The following GATAD2A variants were observed in gnomAD, a reference collection of about 807,000 sequenced individuals.
The protein encoded by GATAD2A is GATA zinc finger domain containing 2A.
Under a neutral mutation model 68.5 loss-of-function variants are expected in GATAD2A, and 12 were observed. The ratio of observed to expected loss-of-function variants is 0.18; its 90% CI spans 0.11 to 0.28. The LOEUF is 0.28. Ranked by LOEUF, GATAD2A falls within the 10% of genes least tolerant of loss-of-function variation. The probability of loss-of-function intolerance (pLI) is 1.00; values close to 1 mark genes in which losing one functional copy is unlikely to be tolerated. For synonymous variants in GATAD2A, 410 were observed against 375.3 expected, an observed-to-expected ratio of 1.09 and a Z score of -1.07; for missense variants, 755 against 868.5, an observed-to-expected ratio of 0.87 and a Z score of 1.64.
chr19:19,411,489 G>C (rs1044112527), intron 1 of GATAD2A, among the ~76,000 whole-genome samples: 7 of 152,214 alleles, frequency 4.6e-5, no homozygotes, highest in Admixed American at 4.6e-4. Flanking sequence ...GCTGGAAGTA[G>C]GTGGTTTGAT....
intron 2 of GATAD2A, among the ~76,000 whole-genome samples, chr19:19,487,952 G>A (rs914452835): frequency 1.3e-5 from 2 of 152,168 alleles, no homozygotes. Context: ...TGGTTCTGTG[G>A]CTGGAGAAGG....
Position 19,502,323 on chromosome 19 carries a change from C to T in GATAD2A, c.1579-8C>T. 6.2e-7 allele frequency: 1 copy of T among 1,600,132 alleles called. No individual in the cohort carries two copies. The highest frequency in any genetic ancestry group is 1.1e-5 in the South Asian group (1 of 90,332). On this transcript the variant is annotated splice_polypyrimidine_tract_variant and splice_region_variant and intron_variant, in intron 10 of 11. Transcript: ENST00000683918. ...GCATGAGCCGTCACCCCCCTTTCTC[C>T]ACTGCAGGCCTCCAGCCAGCTGTCC... is the stretch of plus-strand genomic sequence containing the variant.
rs761589627 is a variant in GATAD2A at position 19,498,741 on chromosome 19, G to A, written c.1204+19G>A. The A allele has an allele frequency of 5.0e-6, 8 of 1,588,574 alleles. No homozygotes were observed. Among genetic ancestry groups the A allele is most frequent in the Non-Finnish European group, 6.0e-6 (7 of 1,163,042 alleles). ...ACACAAGGTGAGTGGCCTGGACCCA[G>A]CCGGGCTGCTTCCGCCTCTGGCCTC... On this transcript the variant is annotated intron_variant, in intron 8 of 11. Coordinates refer to ENST00000683918, the MANE Select transcript of GATAD2A (RefSeq NM_001384528.1).
chr19:19,482,948 C>G (rs911724647), intron 2 of GATAD2A, among the ~76,000 whole-genome samples: 1 of 152,128 alleles, frequency 6.6e-6, no homozygotes, highest in African/African-American at 2.4e-5. Flanking sequence ...CTTGTCTCTA[C>G]TACCCTCAGC....
intron 2 of GATAD2A, chr19:19,472,277 G>A (rs543348531): frequency 2.0e-4 from 30 of 152,098 alleles, no homozygotes; most frequent in African/African-American, 5.5e-4. Context: ...TCTTTCAAAT[G>A]GTTGATCTTC....
At chr19:19,443,848 G>T (rs896877967) in intron 1 of GATAD2A, among the ~76,000 whole-genome samples, 1 of 151,982 alleles carries the variant, frequency 6.6e-6, no homozygotes, top group Non-Finnish European at 1.5e-5. Flanking sequence ...TAGTTTAGGA[G>T]ACCACTTGGG....
At chr19:19,504,398 T>C (rs2060745194) in intron 11 of GATAD2A, among the ~76,000 whole-genome samples, 2 of 152,362 alleles carry the variant, frequency 1.3e-5, no homozygotes, top group African/African-American at 4.8e-5. Context: ...ATTTAAGGGT[T>C]TTCCCCAGTG....
intron 1 of GATAD2A, among the ~76,000 whole-genome samples, chr19:19,441,370 C>T (rs2055053323): frequency 6.6e-6 from 1 of 151,918 alleles, no homozygotes. Context: ...GCAATAAAAA[C>T]CCAAAGCACT....
intron 2 of GATAD2A, among the ~76,000 whole-genome samples, chr19:19,475,499 GCCCCAGCCCCT>G (rs1445602638): frequency 2.8e-5 from 4 of 142,470 alleles, no homozygotes; most frequent in Non-Finnish European, 6.3e-5. Flanking sequence ...CCCCTCCACT[GCCCCAGCCCCT>G]CCCCAGCACC....
At chr19:19,499,533 G>A (rs73922895) in intron 8 of GATAD2A, among the ~76,000 whole-genome samples, 5,348 of 151,958 alleles carry the variant, frequency 0.035, 325 homozygotes, top group African/African-American at 0.12. Context: ...AGCACCTCCC[G>A]CGCACTGCCC....
chr19:19,430,821 G>T (rs932786802), intron 1 of GATAD2A, among the ~76,000 whole-genome samples: 5 of 152,156 alleles, frequency 3.3e-5, no homozygotes, highest in Admixed American at 6.5e-5. Flanking sequence ...GACCTCGCTA[G>T]CCTGAGCTTG....
At chr19:19,412,701 A>G (rs1483902892) in intron 1 of GATAD2A, among the ~76,000 whole-genome samples, 3 of 152,168 alleles carry the variant, frequency 2.0e-5, no homozygotes, top group Non-Finnish European at 4.4e-5. Flanking sequence ...CCCTAACTCT[A>G]CAAATAATAC....
intron 1 of GATAD2A, among the ~76,000 whole-genome samples, chr19:19,437,943 G>T (rs1183099728): frequency 6.6e-6 from 1 of 152,084 alleles, no homozygotes; most frequent in South Asian, 2.1e-4. Flanking sequence ...TATACTTAGG[G>T]GTGCAGTTAC....
At chr19:19,441,105 C>T (rs150573746) in intron 1 of GATAD2A, among the ~76,000 whole-genome samples, 230 of 149,320 alleles carry the variant, frequency 1.5e-3, no homozygotes, top group African/African-American at 5.2e-3. Context: ...TGCAGTGGTG[C>T]GATCTCGGCT....
chr19:19,404,334 C>G (rs1019413499), upstream of GATAD2A, among the ~76,000 whole-genome samples: 3 of 151,598 alleles, frequency 2.0e-5, no homozygotes, highest in Admixed American at 2.0e-4. Flanking sequence ...CGGTTGAGAC[C>G]CAATTATTCT....
At chr19:19,483,477 T>C (rs2059197560) in intron 2 of GATAD2A, among the ~76,000 whole-genome samples, 2 of 152,180 alleles carry the variant, frequency 1.3e-5, no homozygotes, top group South Asian at 4.1e-4. Flanking sequence ...TCAAGTTACA[T>C]GGCGGGAGAA....
intron 1 of GATAD2A, among the ~76,000 whole-genome samples, chr19:19,407,329 C>CT (rs2050395152): frequency 6.6e-6 from 1 of 152,258 alleles, no homozygotes; most frequent in Admixed American, 6.5e-5. Context: ...CTGTGGAGGG[C>CT]TGATAGCTCA....
chr19:19,410,996 G>C (rs1032706753), intron 1 of GATAD2A, among the ~76,000 whole-genome samples: 1 of 152,246 alleles, frequency 6.6e-6, no homozygotes, highest in African/African-American at 2.4e-5. Flanking sequence ...AGATGAGCCA[G>C]AGTTCACAAG....
Position 19,495,856 on chromosome 19 carries a change from G to C in GATAD2A, c.727G>C (p.Val243Leu), listed in dbSNP as rs1232468560. Residue 243 changes from valine to leucine, a missense_variant, in exon 6 of 12, where the codon GTC becomes CTC. By Grantham distance (32) the Val-to-Leu change is conservative (BLOSUM62 1). Coordinates refer to ENST00000683918, the MANE Select transcript of GATAD2A (RefSeq NM_001384528.1). ...KLGPQASSQV[V>L]MPPLVRGAQQ... is the part of the protein sequence containing the mutation. ...GGGGCCACAGGCGAGCTCACAGGTC[G>C]TCATGCCCCCACTCGTCAGGGGGGC... 6.2e-7 allele frequency: 1 copy of C among 1,613,162 alleles called. No homozygotes were observed. Among genetic ancestry groups the C allele is most frequent in the South Asian group, 1.1e-5 (1 of 91,060 alleles).
Sources: gnomAD v4.1 joint callset for allele counts (sites outside exome capture counted in the v4.1 genomes callset) on GRCh38, gnomAD v4.1.1 for gene constraint, MANE v1.5 for transcripts, NCBI Gene and HGNC (gene_info 2026-07-23, HGNC 2026-07-21) for gene names.